The following COL21A1 variants were observed in gnomAD, a reference collection of about 807,000 sequenced individuals.
COL21A1 encodes the protein collagen alpha-1(XXI) chain.
In COL21A1, 149 loss-of-function variants were observed where a neutral mutation model predicts 137.9. The observed-to-expected ratio is 1.08, with a 90% CI of 0.95 to 1.24. The LOEUF (loss-of-function observed/expected upper bound fraction) is 1.24, where lower values mean the gene tolerates loss of function less well. Among genes scored for constraint, COL21A1 ranks in the 50% most tolerant of loss-of-function variants. COL21A1 has a pLI of 0.00. For missense variants in COL21A1, 1,167 were observed against 1,158.4 expected, an observed-to-expected ratio of 1.01 and a Z score of -0.11; for synonymous variants, 456 against 391.5, an observed-to-expected ratio of 1.16 and a Z score of -1.95.
At chr6:56,341,823 C>T (rs1765477072) in intron 1 of COL21A1, among the ~76,000 whole-genome samples, 1 of 152,100 alleles carries the variant, frequency 6.6e-6, no homozygotes, top group African/African-American at 2.4e-5. Context: ...TACATGGTGG[C>T]AGGGCATATA....
chr6:56,298,350 G>A (rs933186123), intron 1 of COL21A1, among the ~76,000 whole-genome samples: 21 of 152,070 alleles, frequency 1.4e-4, no homozygotes, highest in Non-Finnish European at 2.9e-4. Flanking sequence ...GTGGTGTCGT[G>A]TATCATTCTC....
intron 9 of COL21A1, among the ~76,000 whole-genome samples, chr6:56,162,137 A>G (rs1002218629): frequency 5.9e-5 from 9 of 152,220 alleles, no homozygotes; most frequent in African/African-American, 2.2e-4. Context: ...CAAAGCCAGA[A>G]AAGAAGTGCA....
At chr6:56,362,984 C>T (rs555542825) in intron 1 of COL21A1, among the ~76,000 whole-genome samples, 42 of 152,282 alleles carry the variant, frequency 2.8e-4, no homozygotes, top group African/African-American at 9.9e-4. Flanking sequence ...CATCTCTGCC[C>T]TGAATCTCCA....
chr6:56,067,251 C>T (rs1206609405), intron 23 of COL21A1, 44 bp downstream of exon 23: 21 of 1,505,202 alleles, frequency 1.4e-5, no homozygotes, highest in Non-Finnish European at 1.9e-5. Flanking sequence ...TTTAAAAGCT[C>T]TGATTTTATT....
intron 24 of COL21A1, among the ~76,000 whole-genome samples, chr6:56,064,108 A>G (rs1766035958): frequency 6.6e-6 from 1 of 152,148 alleles, no homozygotes. Flanking sequence ...ACTGTCTCTC[A>G]GGATAGCATT....
intron 1 of COL21A1, among the ~76,000 whole-genome samples, chr6:56,390,846 G>A (rs554576795): frequency 6.6e-6 from 1 of 152,258 alleles, no homozygotes; most frequent in East Asian, 1.9e-4. Flanking sequence ...GGTATATAGA[G>A]AGATATACCC....
At position 56,164,789 on chromosome 6, in the gene COL21A1, G is replaced by A. The variant is rs773143642; in HGVS notation, c.1287+25C>T. ...TCCCACAATACAAATATTACCTTAA[G>A]GGGAACAATAGTATCCAAGCCTACC... On this transcript the variant is annotated intron_variant, in intron 8 of 29. Coordinates refer to ENST00000244728, the MANE Select transcript of COL21A1 (RefSeq NM_030820.4). 3.9e-6 allele frequency: 6 copies of A among 1,558,126 alleles called. No homozygotes were observed. The East Asian group carries it at 1.1e-4, about 29-fold the overall frequency.
intron 1 of COL21A1, among the ~76,000 whole-genome samples, chr6:56,259,027 CCAAA>C (rs1304128733): frequency 6.6e-6 from 1 of 152,068 alleles, no homozygotes; most frequent in Admixed American, 6.6e-5. Context: ...TCCTTGTATC[CCAAA>C]CTTATTTGCA....
chr6:56,250,254 C>T (rs935802538), upstream of COL21A1, among the ~76,000 whole-genome samples: 10 of 152,130 alleles, frequency 6.6e-5, no homozygotes, highest in Non-Finnish European at 1.2e-4. Context: ...TGGCATTTTG[C>T]AGATATAACC....
chr6:56,298,419 A>G (rs1764207424), intron 1 of COL21A1, among the ~76,000 whole-genome samples: 1 of 152,150 alleles, frequency 6.6e-6, no homozygotes, highest in African/African-American at 2.4e-5. Flanking sequence ...CAGTAAGAGC[A>G]GGGAGTAGAT....
chr6:56,365,336 C>T (rs905383859), intron 1 of COL21A1, among the ~76,000 whole-genome samples: 3 of 152,106 alleles, frequency 2.0e-5, no homozygotes, highest in Admixed American at 6.6e-5. Context: ...TCTTCTACTC[C>T]CCTAATGGCT....
intron 16 of COL21A1, among the ~76,000 whole-genome samples, chr6:56,108,826 A>C (rs2152182935): frequency 6.6e-6 from 1 of 152,042 alleles, no homozygotes; most frequent in Non-Finnish European, 1.5e-5. Context: ...AAAATTAAAC[A>C]TACAATAAGT....
intron 1 of COL21A1, among the ~76,000 whole-genome samples, chr6:56,323,404 T>C (rs1041429310): frequency 6.6e-6 from 1 of 152,202 alleles, no homozygotes; most frequent in Admixed American, 6.6e-5. Flanking sequence ...TATTTGTTTG[T>C]TTTGAGACCA....
chr6:56,075,433 A>C lies in COL21A1; in HGVS notation c.1911+46T>G, dbSNP rs543353529. The C allele has an allele frequency of 2.2e-4, 326 of 1,468,992 alleles. 6 individuals carry two copies. In the South Asian group the frequency reaches 4.1e-3, roughly 19 times the overall value. The allele number at this position is 1,468,992 out of a possible 1,614,324, so 91.0% of individuals were successfully genotyped here. ...ATATGAACTCCTAGTAGGTAGTAGC[A>C]ACACTGCAAACACTTTGATGTATGA... On this transcript the variant is annotated intron_variant, in intron 19 of 29. Coordinates refer to ENST00000244728, the MANE Select transcript of COL21A1 (RefSeq NM_030820.4).
chr6:56,327,380 C>CATAAAATTTTACATAATATTTTACATA (rs1451741213), intron 1 of COL21A1, among the ~76,000 whole-genome samples: 47 of 151,536 alleles, frequency 3.1e-4, no homozygotes, highest in African/African-American at 1.1e-3. Flanking sequence ...TTCATTTAAA[C>CATAAAATTTTACATAATATTTTACATA]AAAAGTAAAT....
chr6:56,290,847 T>G (rs529007730), intron 1 of COL21A1, among the ~76,000 whole-genome samples: 11 of 152,168 alleles, frequency 7.2e-5, no homozygotes, highest in African/African-American at 2.6e-4. Flanking sequence ...AGGCAACACC[T>G]CAAACCAACT....
At chr6:56,333,205 TCAC>T (rs3996939) in intron 1 of COL21A1, among the ~76,000 whole-genome samples, 101,968 of 150,990 alleles carry the variant, frequency 0.68, 34,763 homozygotes, top group East Asian at 0.9. Flanking sequence ...TGTGAAACAA[TCAC>T]CACATCAACA....
intron 12 of COL21A1, among the ~76,000 whole-genome samples, chr6:56,135,147 A>G (rs1048203586): frequency 6.6e-5 from 10 of 152,180 alleles, no homozygotes; most frequent in African/African-American, 2.4e-4. Context: ...ACTATTTTAC[A>G]TGAAAATGAA....
At chr6:56,262,947 T>C (rs1373833882) in intron 1 of COL21A1, among the ~76,000 whole-genome samples, 2 of 152,214 alleles carry the variant, frequency 1.3e-5, no homozygotes, top group African/African-American at 4.8e-5. Context: ...GTTCAGGTTC[T>C]TGTAATTTAT....
Sources: allele counts gnomAD v4.1 joint callset (sites outside exome capture counted in the v4.1 genomes callset), GRCh38; gene constraint gnomAD v4.1.1; transcripts MANE v1.5; gene names NCBI Gene and HGNC (gene_info 2026-07-23, HGNC 2026-07-21).